Variants in AREL1 observed in about 807,000 individuals in gnomAD.
AREL1 encodes apoptosis-resistant E3 ubiquitin protein ligase 1.
A neutral mutation model predicts 99.0 loss-of-function variants in AREL1; 62 were observed. That is an observed-to-expected ratio of 0.63 (90% CI 0.51 to 0.77). The LOEUF is 0.77. AREL1 is among the 30% of genes least tolerant of loss of function. AREL1 has a pLI of 0.00. For synonymous variants in AREL1, 380 were observed against 376.5 expected (o/e 1.01, Z -0.11); for missense variants, 879 against 1,027.6 (o/e 0.86, Z 1.98).
chr14:74,665,270 C>CTT (rs546774095), intron 17 of AREL1, among the ~76,000 whole-genome samples: 42 of 136,376 alleles, frequency 3.1e-4, no homozygotes, highest in African/African-American at 6.7e-4. Flanking sequence ...TCTTTCTTTT[C>CTT]TTTTTTTTTT....
intron 5 of AREL1, chr14:74,678,391 G>A (rs575068426): frequency 1.2e-4 from 36 of 302,562 alleles, no homozygotes; most frequent in African/African-American, 4.8e-4. Context: ...CCAGCTACTC[G>A]GGAGGTTGAG....
At chr14:74,684,709 C>T (rs1243848587) in intron 3 of AREL1, 29 bp from the exon 4 acceptor site, 2 of 1,598,942 alleles carry the variant, frequency 1.3e-6, no homozygotes, top group Non-Finnish European at 8.6e-7. Flanking sequence ...ACACAAACCG[C>T]CTGCCAGTTA....
At position 74,662,860 on chromosome 14, in the gene AREL1, G is replaced by C. The variant is rs1263063180; in HGVS notation, c.*860C>G. 1.1e-5 allele frequency: 4 copies of C among 360,742 alleles called. No individual in the cohort carries two copies. Among genetic ancestry groups the C allele is most frequent in the Non-Finnish European group, 1.5e-5 (3 of 202,674 alleles). 22.3% of individuals were successfully genotyped at this position (360,742 alleles called of 1,614,324 possible). On this transcript the variant is annotated 3_prime_UTR_variant, in exon 20 of 20. Transcript: ENST00000356357. ...CCAGCTTTTAGCAGACTACATAATGGGGAAGTCAGTGGCCCAAGCCGGCCA... is the reference window on the plus strand; with the variant it reads ...CCAGCTTTTAGCAGACTACATAATGCGGAAGTCAGTGGCCCAAGCCGGCCA...
In AREL1 at chr14:74,683,279, A is replaced by T; in HGVS notation, c.481+17T>A. On this transcript the variant is annotated intron_variant, in intron 5 of 19. Transcript: ENST00000356357. ...GGGAAGGAGACAAAGGGAAAAAGAA[A>T]GGAAAAAAGAACCTACCAGGTTGAA... 1.3e-6 allele frequency: 2 copies of T among 1,570,460 alleles called. No homozygotes were observed. The highest frequency in any genetic ancestry group is 1.7e-6 in the Non-Finnish European group (2 of 1,144,508).
rs141724241 is a variant in AREL1, at chr14:74,674,226, A to G, written c.1081-115T>C. ...ACATTTCTCATAACCTTTCCTCTCC[A>G]TGGACAAAAGTAATAATTTAGTGAG... On this transcript the variant is annotated intron_variant, in intron 8 of 19. Transcript: ENST00000356357. 2.2e-3 allele frequency: 1,787 copies of G among 817,550 alleles called. 12 individuals are homozygous for G. Among genetic ancestry groups the G allele is most frequent in the South Asian group, 3.3e-3 (197 of 60,586 alleles). The allele number at this position is 817,550 out of a possible 1,614,324, so 50.6% of individuals were successfully genotyped here. A position where few individuals can be genotyped will look rare whatever the true frequency, so the allele number is the denominator to read the frequency against.
rs2089317979 is a variant in AREL1, at chr14:74,670,802, T to A, written c.1568A>T (p.Asn523Ile). ...GTCACTGAACCGGGTGAAGAGCTGA[T>A]TGGTGGTATCAAATAGTGCTTTGCA... Reference protein sequence around the residue: ...LICKALFDTTNQLFTRFSDNN... With the variant: ...LICKALFDTTIQLFTRFSDNN... The change falls in exon 13 of 20, where the codon AAT becomes ATT. Residue 523 changes from asparagine to isoleucine, a missense_variant. Coordinates refer to ENST00000356357, the MANE Select transcript of AREL1 (RefSeq NM_001039479.2). 4 of 1,614,134 alleles carry A rather than the reference T, an allele frequency of 2.5e-6. No individual in the cohort carries two copies. The East Asian group carries it at 8.9e-5, about 36-fold the overall frequency.
chr14:74,677,350 A>T (rs935390014), intron 5 of AREL1, among the ~76,000 whole-genome samples: 1 of 151,892 alleles, frequency 6.6e-6, no homozygotes, highest in Non-Finnish European at 1.5e-5. Context: ...AATAAAAATT[A>T]GCCAGGCATG....
At chr14:74,682,588 TTTAGA>T (rs2089654635) in intron 5 of AREL1, among the ~76,000 whole-genome samples, 1 of 152,094 alleles carries the variant, frequency 6.6e-6, no homozygotes, top group Non-Finnish European at 1.5e-5. Context: ...CTGAATCTGG[TTTAGA>T]TATTTGTACC....
chr14:74,673,341 C>A, intron 9 of AREL1, 123 bp from the exon 10 acceptor site: 1 of 921,812 alleles, frequency 1.1e-6, no homozygotes, highest in Non-Finnish European at 1.6e-6. Flanking sequence ...CAAATGAGGA[C>A]CTACCAGAAA....
chr14:74,690,203 T>C (rs2089844759), intron 2 of AREL1, among the ~76,000 whole-genome samples: 1 of 136,874 alleles, frequency 7.3e-6, no homozygotes, highest in African/African-American at 2.8e-5. Flanking sequence ...AAGGCTGCAG[T>C]GAGCCCTGAT....
intron 1 of AREL1, among the ~76,000 whole-genome samples, chr14:74,699,428 C>T (rs2090042313): frequency 6.6e-6 from 1 of 151,840 alleles, no homozygotes. Flanking sequence ...AGACAGCACA[C>T]AAGCGAGAGA....
intron 1 of AREL1, among the ~76,000 whole-genome samples, chr14:74,707,356 GA>G (rs1328018254): frequency 2.1e-5 from 3 of 143,976 alleles, no homozygotes; most frequent in Non-Finnish European, 4.6e-5. Context: ...TGACAAGAGC[GA>G]AACTCCATTT....
At position 74,674,419 on chromosome 14, in the gene AREL1, G is replaced by A. The variant is rs573443582; in HGVS notation, c.1081-308C>T. Among the ~76,000 whole-genome samples, 23 of 152,242 alleles carry A rather than the reference G, an allele frequency of 1.5e-4. No homozygotes were observed. In the South Asian group the frequency reaches 3.9e-3, roughly 26 times the overall value. On this transcript the variant is annotated intron_variant, in intron 8 of 19. Coordinates refer to ENST00000356357, the MANE Select transcript of AREL1 (RefSeq NM_001039479.2). Reference sequence around the variant, plus strand: ...GTTCAAGACCAGCCTGGCCAACATGGCAAAACTCAGTCTCTACTAAAAATA... The same window carrying A: ...GTTCAAGACCAGCCTGGCCAACATGACAAAACTCAGTCTCTACTAAAAATA...
At chr14:74,666,546 C>T (rs978513997) in intron 17 of AREL1, among the ~76,000 whole-genome samples, 6 of 152,134 alleles carry the variant, frequency 3.9e-5, no homozygotes, top group African/African-American at 1.4e-4. Flanking sequence ...GTTTCCTTCA[C>T]TTCATTAGAA....
intron 15 of AREL1, 105 bp downstream of exon 15, chr14:74,669,544 C>A (rs189817804): frequency 3.9e-5 from 56 of 1,436,310 alleles, no homozygotes; most frequent in Admixed American, 3.8e-4. Flanking sequence ...TAATAGACAA[C>A]ACAAATATGG....
intron 2 of AREL1, among the ~76,000 whole-genome samples, chr14:74,689,557 T>C (rs1490563119): frequency 2.7e-5 from 4 of 150,884 alleles, no homozygotes; most frequent in Non-Finnish European, 5.9e-5. Context: ...TGAATCTCCA[T>C]AGAACATTGT....
At chr14:74,698,858 T>TA (rs547639633) in intron 1 of AREL1, 4,108 of 110,200 alleles carry the variant, frequency 0.037, 182 homozygotes, top group African/African-American at 0.11. Flanking sequence ...ATCCCATCTC[T>TA]AAAAAAAAAA....
chr14:74,666,922 G>A (rs1403316605), intron 17 of AREL1, among the ~76,000 whole-genome samples: 1 of 152,030 alleles, frequency 6.6e-6, no homozygotes, highest in Non-Finnish European at 1.5e-5. Flanking sequence ...GTTTCACCAT[G>A]TTGGCCAGGC....
rs759470857 is a variant in AREL1 at position 74,684,659 on chromosome 14, A to G, written c.38T>C (p.Val13Ala). ...YVIGGITVSV[V>A]AFFFTIKFLF... is the part of the protein sequence containing the mutation. ...GAACTTAATTGTGAAGAAGAATGCAACCACAGACACTGTGATTCCACCTAT... is the reference window on the plus strand; with the variant it reads ...GAACTTAATTGTGAAGAAGAATGCAGCCACAGACACTGTGATTCCACCTAT... Residue 13 changes from valine (V) to alanine (A), a missense_variant, in exon 4 of 20, where the codon GTT becomes GCT. Coordinates refer to ENST00000356357, the MANE Select transcript of AREL1 (RefSeq NM_001039479.2). 2 of 1,614,176 alleles carry G rather than the reference A, an allele frequency of 1.2e-6. No individual in the cohort carries two copies. The highest frequency in any genetic ancestry group is 3.3e-5 in the Admixed American group (2 of 60,026).
Sources: gnomAD v4.1 joint callset for allele counts (sites outside exome capture counted in the v4.1 genomes callset) on GRCh38, gnomAD v4.1.1 for gene constraint, MANE v1.5 for transcripts, NCBI Gene and HGNC (gene_info 2026-07-23, HGNC 2026-07-21) for gene names.